CCDC9: variants seen among roughly 807,000 people sequenced by gnomAD.
CCDC9 encodes coiled-coil domain-containing protein 9.
Under a neutral mutation model 65.6 loss-of-function variants are expected in CCDC9, and 52 were observed. The observed-to-expected ratio is 0.79, with a 90% CI of 0.63 to 1.00. The LOEUF (loss-of-function observed/expected upper bound fraction) is 1.00. Among genes scored for constraint, CCDC9 ranks in the 50% least tolerant of loss-of-function variants. The probability of loss-of-function intolerance (pLI) is 0.00; values close to 1 mark genes in which losing one functional copy is unlikely to be tolerated. For missense variants in CCDC9, 834 were observed against 757.2 expected (o/e 1.10, Z -1.19); for synonymous variants, 332 against 280.3 (o/e 1.18, Z -1.84).
chr19:47,265,090 C>T (rs777927415), intron 7 of CCDC9, 144 bp downstream of exon 7: 1 of 639,974 alleles, frequency 1.6e-6, no homozygotes, highest in Non-Finnish European at 2.3e-6. Context: ...CGGATTCTCG[C>T]TCTGTCACCC....
In CCDC9 at chr19:47,264,900, G is replaced by A; in HGVS notation, c.674G>A (p.Gly225Asp). 6.8e-7 allele frequency: 1 copy of A among 1,469,404 alleles called. No individual in the cohort carries two copies. The highest frequency in any genetic ancestry group is 9.0e-7 in the Non-Finnish European group (1 of 1,112,910). The allele number at this position is 1,469,404 out of a possible 1,614,324, so 91.0% of individuals were successfully genotyped here. A position where few individuals can be genotyped will look rare whatever the true frequency, so the allele number is the denominator to read the frequency against. The change falls in exon 7 of 12, where the codon GGC becomes GAC. Residue 225 changes from glycine to aspartate, a missense_variant. By Grantham distance (94) the Gly-to-Asp change is moderately conservative. Transcript: ENST00000221922. ...CGCCGGCACGGCCGCAACTGGGGGG[G>A]CCCCGACTTCGAGCGGGTGCGCTGT... is the stretch of plus-strand genomic sequence containing the variant. ...ESRRHGRNWG[G>D]PDFERVRCGL...
downstream of CCDC9, chr19:47,274,805 G>GGGCGGGGCCGGA (rs1353414475): frequency 4.7e-5 from 34 of 724,184 alleles, no homozygotes; most frequent in East Asian, 1.4e-3. Flanking sequence ...ATGCTGGCGG[G>GGGCGGGGCCGGA]GGCGGGGCCG....
At chr19:47,259,706 G>A (rs927799372) in intron 3 of CCDC9, among the ~76,000 whole-genome samples, 1 of 152,204 alleles carries the variant, frequency 6.6e-6, no homozygotes, top group Non-Finnish European at 1.5e-5. Flanking sequence ...TCTAGACTTG[G>A]GATACACGTC....
At chr19:47,275,688 C>CG, downstream of CCDC9, 1 of 353,202 alleles carries the variant, frequency 2.8e-6, no homozygotes, top group South Asian at 5.2e-5. Flanking sequence ...ACGACAGCCT[C>CG]GGCTGCCTCG....
chr19:47,264,897 G>A lies in CCDC9; in HGVS notation c.671G>A (p.Gly224Glu). The change falls in exon 7 of 12, where the codon GGG becomes GAG. Residue 224 changes from glycine (G) to glutamate (E), a missense_variant. Gly to Glu is a moderately conservative substitution (Grantham distance 98, BLOSUM62 -2). Coordinates refer to ENST00000221922, the MANE Select transcript of CCDC9 (RefSeq NM_015603.3). ...EESRRHGRNW[G>E]GPDFERVRCG... ...AGCCGCCGGCACGGCCGCAACTGGG[G>A]GGGCCCCGACTTCGAGCGGGTGCGC... The A allele has an allele frequency of 2.7e-6, 4 of 1,471,286 alleles. No individual in the cohort carries two copies. Among genetic ancestry groups the A allele is most frequent in the Non-Finnish European group, 3.6e-6 (4 of 1,113,614 alleles). 91.1% of individuals were successfully genotyped at this position (1,471,286 alleles called of 1,614,324 possible). A position where few individuals can be genotyped will look rare whatever the true frequency, so the allele number is the denominator to read the frequency against.
downstream of CCDC9, chr19:47,272,013 G>T (rs2059127448): frequency 4.8e-6 from 6 of 1,238,936 alleles, no homozygotes; most frequent in South Asian, 2.4e-4. Context: ...CTTCTCTCTT[G>T]GGGTGGGGAG....
Position 47,271,323 on chromosome 19 carries a change from A to C in CCDC9, c.1241A>C (p.Glu414Ala). 1 of 1,611,698 alleles carries C rather than the reference A, an allele frequency of 6.2e-7. No homozygotes were observed. Among genetic ancestry groups the C allele is most frequent in the Non-Finnish European group, 8.5e-7 (1 of 1,179,056 alleles). The stretch of plus-strand genomic sequence containing the variant: ...CACCGGCCTCCTGAAGACGAGGGGG[A>C]AGAGAATGAGGGGGAAGAGGATGAA... ...PAHRPPEDEG[E>A]ENEGEEDEEW... Residue 414 changes from glutamate (E) to alanine (A), a missense_variant, in exon 12 of 12, where the codon GAA (glutamate) becomes GCA (alanine). Coordinates refer to ENST00000221922, the MANE Select transcript of CCDC9 (RefSeq NM_015603.3).
At chr19:47,264,721 G>T (rs1192686157) in intron 6 of CCDC9, 35 bp downstream of exon 6, 2 of 1,601,628 alleles carry the variant, frequency 1.2e-6, no homozygotes, top group East Asian at 4.5e-5. Flanking sequence ...GCAGGGCCGA[G>T]CTGCCTGGGC....
chr19:47,258,701 C>T (rs1332129256), intron 3 of CCDC9, 38 bp downstream of exon 3: 1 of 1,483,510 alleles, frequency 6.7e-7, no homozygotes. Flanking sequence ...CATCCCCTCT[C>T]TTCCCCGCAG....
intron 8 of CCDC9, 107 bp from the exon 9 acceptor site, chr19:47,270,300 G>A: frequency 9.3e-7 from 1 of 1,075,992 alleles, no homozygotes; most frequent in Non-Finnish European, 1.4e-6. Flanking sequence ...CTGTCTGGTT[G>A]ACCGTCTGTC....
chr19:47,268,696 T>TC (rs2059097486), intron 8 of CCDC9, among the ~76,000 whole-genome samples: 1 of 151,848 alleles, frequency 6.6e-6, no homozygotes, highest in Non-Finnish European at 1.5e-5. Context: ...GGCAGGTGGA[T>TC]CACGAGGTCA....
At chr19:47,275,208 C>A (rs1030630842), downstream of CCDC9, 10 of 1,525,032 alleles carry the variant, frequency 6.6e-6, no homozygotes, top group Non-Finnish European at 8.8e-6. Context: ...CTCCTGCCTC[C>A]TGGGAGTCCC....
chr19:47,258,948 G>A (rs2059028539), intron 3 of CCDC9, among the ~76,000 whole-genome samples: 1 of 152,200 alleles, frequency 6.6e-6, no homozygotes, highest in Non-Finnish European at 1.5e-5. Flanking sequence ...CCACCGTCTA[G>A]TCAGGGAGAC....
downstream of CCDC9, chr19:47,275,143 C>T (rs1247563676): frequency 2.7e-6 from 4 of 1,490,900 alleles, no homozygotes; most frequent in Non-Finnish European, 3.6e-6. Context: ...CCGTCCCCTC[C>T]GTGTGCTGCC....
intron 1 of CCDC9, 21 bp from the exon 2 acceptor site, chr19:47,258,309 T>C: frequency 7.1e-7 from 1 of 1,418,214 alleles, no homozygotes; most frequent in Non-Finnish European, 9.9e-7. Context: ...GCCTTTGTCC[T>C]TTTTTTCCCT....
chr19:47,258,631 C>T lies in CCDC9; in HGVS notation c.76C>T (p.Arg26Trp), dbSNP rs372349411. The T allele has an allele frequency of 2.5e-6, 4 of 1,613,940 alleles. No homozygotes were observed. The highest frequency in any genetic ancestry group is 3.4e-6 in the Non-Finnish European group (4 of 1,179,940). Reference protein sequence around the residue: ...ELDKRIEALRRKNEALIRRYQ... With the variant: ...ELDKRIEALRWKNEALIRRYQ... ...GGACAAGAGGATCGAGGCTCTTCGG[C>T]GGAAGAATGAGGCCCTCATCCGGCG... The change falls in exon 3 of 12, where the codon CGG (arginine) becomes TGG (tryptophan). Residue 26 changes from arginine (R) to tryptophan (W), a missense_variant. Transcript: ENST00000221922.
chr19:47,263,186 C>T (rs982038491), intron 5 of CCDC9, among the ~76,000 whole-genome samples: 1 of 152,032 alleles, frequency 6.6e-6, no homozygotes, highest in Non-Finnish European at 1.5e-5. Context: ...GGTCACCTAA[C>T]CATCTGCCAA....
downstream of CCDC9, chr19:47,272,249 G>C: frequency 2.3e-6 from 2 of 873,650 alleles, no homozygotes; most frequent in South Asian, 1.2e-4. Context: ...GGAGTGGGGT[G>C]AATGTGTGTA....
chr19:47,266,459 C>G lies in CCDC9; in HGVS notation c.721-152C>G, dbSNP rs541760013. ...CTACTTAGGAGATCTGAGAGGGCCT[C>G]TGTGAGGAGGTGCCACCTGAGCCTA... On this transcript the variant is annotated intron_variant, in intron 7 of 11. Coordinates refer to ENST00000221922, the MANE Select transcript of CCDC9 (RefSeq NM_015603.3). The G allele has an allele frequency of 2.0e-5, 24 of 1,223,260 alleles. No individual in the cohort carries two copies. In the East Asian group the frequency reaches 6.5e-4, roughly 33 times the overall value. 75.8% of individuals were successfully genotyped at this position (1,223,260 alleles called of 1,614,324 possible). A position where few individuals can be genotyped will look rare whatever the true frequency, so the allele number is the denominator to read the frequency against.
Sources: gnomAD v4.1 joint callset for allele counts (sites outside exome capture counted in the v4.1 genomes callset) on GRCh38, gnomAD v4.1.1 for gene constraint, MANE v1.5 for transcripts, NCBI Gene and HGNC (gene_info 2026-07-23, HGNC 2026-07-21) for gene names.